Variants in TBXAS1 observed in about 807,000 individuals in gnomAD.
TBXAS1 encodes thromboxane A synthase 1.
TBXAS1 carries 48 observed loss-of-function variants against 60.7 expected under a neutral mutation model. The observed-to-expected ratio is 0.79, with a 90% CI of 0.63 to 1.01. TBXAS1 has a LOEUF of 1.01. Among genes scored for constraint, TBXAS1 ranks in the 50% least tolerant of loss-of-function variants. TBXAS1 has a pLI of 0.00. For synonymous variants in TBXAS1, 287 were observed against 269.7 expected, an observed-to-expected ratio of 1.06 and a Z score of -0.63; for missense variants, 685 against 686.3, an observed-to-expected ratio of 1.00 and a Z score of 0.02.
chr7:140,005,651 C>A (rs1180818640), intron 9 of TBXAS1, among the ~76,000 whole-genome samples: 1 of 152,152 alleles, frequency 6.6e-6, no homozygotes, highest in Non-Finnish European at 1.5e-5. Context: ...ACCATCCAAA[C>A]CTTGTTATTT....
At chr7:139,833,856 A>G (rs537300954) in intron 1 of TBXAS1, among the ~76,000 whole-genome samples, 1 of 152,330 alleles carries the variant, frequency 6.6e-6, no homozygotes, top group South Asian at 2.1e-4. Context: ...CAACACAATA[A>G]TAGTGGCAGA....
intron 1 of TBXAS1, among the ~76,000 whole-genome samples, chr7:139,840,852 G>GT (rs1225245704): frequency 6.6e-6 from 1 of 152,188 alleles, no homozygotes; most frequent in Non-Finnish European, 1.5e-5. Context: ...CTCGGAGGTC[G>GT]TGAGTGTCCC....
At chr7:139,959,646 G>A (rs1810168040) in intron 8 of TBXAS1, among the ~76,000 whole-genome samples, 1 of 152,184 alleles carries the variant, frequency 6.6e-6, no homozygotes, top group South Asian at 2.1e-4. Flanking sequence ...TCTGGGCTGG[G>A]ATAAGAGGAA....
chr7:139,922,515 A>C lies in TBXAS1; in HGVS notation c.333+11194A>C, dbSNP rs141969627. On this transcript the variant is annotated intron_variant, in intron 4 of 12. Transcript: ENST00000448866. ...ATTTTAAGGTGTTTGACTTTTTCTG[A>C]TTGACTTGTTTTTCTTTGCATGTTC... 5.8e-3 allele frequency among the ~76,000 whole-genome samples: 882 copies of C among 151,576 alleles called. 8 individuals are homozygous for C. The highest frequency in any genetic ancestry group is 0.025 in the South Asian group (120 of 4,804).
At chr7:139,986,297 T>C (rs951082312) in intron 9 of TBXAS1, among the ~76,000 whole-genome samples, 1 of 152,198 alleles carries the variant, frequency 6.6e-6, no homozygotes, top group Non-Finnish European at 1.5e-5. Context: ...TTAAGTTGAC[T>C]AGGGCCACAC....
At chr7:139,952,881 G>A (rs964162362) in intron 5 of TBXAS1, among the ~76,000 whole-genome samples, 1 of 152,192 alleles carries the variant, frequency 6.6e-6, no homozygotes, top group Non-Finnish European at 1.5e-5. Context: ...TAAATAAGAA[G>A]TTGAAATGGA....
At chr7:139,884,959 G>A (rs562945354) in intron 3 of TBXAS1, among the ~76,000 whole-genome samples, 2 of 152,320 alleles carry the variant, frequency 1.3e-5, no homozygotes, top group Non-Finnish European at 2.9e-5. Flanking sequence ...GTCCATCATG[G>A]TTGGAACAGA....
intron 5 of TBXAS1, among the ~76,000 whole-genome samples, chr7:139,940,570 G>A (rs767380434): frequency 5.3e-5 from 8 of 152,012 alleles, no homozygotes; most frequent in Non-Finnish European, 1.2e-4. Context: ...TCCCCTCTCT[G>A]ACCACCTCAG....
Position 139,896,511 on chromosome 7 carries a change from A to T in TBXAS1, c.237-14714A>T, listed in dbSNP as rs1426206144. 6.6e-6 allele frequency among the ~76,000 whole-genome samples: 1 copy of T among 152,224 alleles called. No individual in the cohort carries two copies. The highest frequency in any genetic ancestry group is 6.5e-5 in the Admixed American group (1 of 15,286). On this transcript the variant is annotated intron_variant, in intron 3 of 12. Coordinates refer to ENST00000448866, the MANE Select transcript of TBXAS1 (RefSeq NM_001061.7). The surrounding 1 kb of genome is among the most constrained non-coding windows in gnomAD (Gnocchi z 4.0). Reference sequence around the variant, plus strand: ...CCCCAGGGTGCCACAGTGAACTCACAGGGGCTTCCTGGGCTATGGTATTTT... The same window carrying T: ...CCCCAGGGTGCCACAGTGAACTCACTGGGGCTTCCTGGGCTATGGTATTTT...
intron 3 of TBXAS1, 29 bp from the exon 4 acceptor site, chr7:139,911,196 C>CATTTTAATTTTTTTT (rs1284889634): frequency 1.1e-5 from 17 of 1,594,768 alleles, no homozygotes; most frequent in African/African-American, 1.3e-5. Context: ...TAATGCAACA[C>CATTTTAATTTTTTTT]ATTTTAATGC....
intron 5 of TBXAS1, among the ~76,000 whole-genome samples, chr7:139,942,321 A>G (rs1808352959): frequency 6.6e-6 from 1 of 152,224 alleles, no homozygotes; most frequent in African/African-American, 2.4e-5. Flanking sequence ...CAGTAAAGAA[A>G]CCTGCTTAAC....
chr7:139,983,168 T>A (rs552276161), intron 9 of TBXAS1, among the ~76,000 whole-genome samples: 1 of 152,166 alleles, frequency 6.6e-6, no homozygotes, highest in African/African-American at 2.4e-5. Context: ...TTAAACCAAA[T>A]TGTCTTGGTA....
intron 4 of TBXAS1, among the ~76,000 whole-genome samples, chr7:139,802,156 C>T (rs1463058644): frequency 1.3e-5 from 2 of 152,338 alleles, no homozygotes; most frequent in Non-Finnish European, 2.9e-5. Context: ...AGATTTTTAT[C>T]TGTCCCTCCA....
chr7:139,875,109 A>T (rs2116831527), intron 2 of TBXAS1, among the ~76,000 whole-genome samples: 1 of 152,066 alleles, frequency 6.6e-6, no homozygotes, highest in East Asian at 1.9e-4. Flanking sequence ...AAACAAACAA[A>T]ACAACAACAA....
At chr7:139,980,985 T>A (rs1811934624) in intron 9 of TBXAS1, among the ~76,000 whole-genome samples, 1 of 151,666 alleles carries the variant, frequency 6.6e-6, no homozygotes, top group Non-Finnish European at 1.5e-5. Flanking sequence ...ACTGGTAGTA[T>A]ATTTTTTTCC....
chr7:140,003,124 CAAA>C (rs762640788), intron 9 of TBXAS1, among the ~76,000 whole-genome samples: 7 of 33,180 alleles, frequency 2.1e-4, no homozygotes, highest in Admixed American at 3.1e-4. Context: ...AACTCCGTCT[CAAA>C]AAAAAAAAAA....
intron 5 of TBXAS1, among the ~76,000 whole-genome samples, chr7:139,938,961 A>C (rs949613412): frequency 6.6e-6 from 1 of 152,168 alleles, no homozygotes; most frequent in African/African-American, 2.4e-5. Flanking sequence ...TTTCCCAAGC[A>C]AATCCAGTGC....
At chr7:139,961,826 A>G in intron 8 of TBXAS1, 93 bp from the exon 9 acceptor site, 1 of 1,484,040 alleles carries the variant, frequency 6.7e-7, no homozygotes, top group East Asian at 2.3e-5. Flanking sequence ...TTCAAAAGCT[A>G]TGCCCATGTA....
intron 9 of TBXAS1, among the ~76,000 whole-genome samples, chr7:139,996,862 G>C (rs754876179): frequency 6.6e-6 from 1 of 152,214 alleles, no homozygotes. Flanking sequence ...TGCTGATAAG[G>C]CTTCTCTCTT....
Sources: allele counts gnomAD v4.1 joint callset (sites outside exome capture counted in the v4.1 genomes callset), GRCh38; gene constraint gnomAD v4.1.1; non-coding constraint Gnocchi (gnomAD v3.1); transcripts MANE v1.5; gene names NCBI Gene and HGNC (gene_info 2026-07-23, HGNC 2026-07-21).